Variants in LRRC4C observed in about 807,000 individuals in gnomAD.
LRRC4C encodes leucine-rich repeat-containing protein 4C.
In LRRC4C, 5 loss-of-function variants were observed where a neutral mutation model predicts 33.6. The ratio of observed to expected loss-of-function variants is 0.15; its 90% CI spans 0.08 to 0.31. The LOEUF (loss-of-function observed/expected upper bound fraction) is 0.31, where lower values mean the gene tolerates loss of function less well. Ranked by LOEUF, LRRC4C falls within the 10% of genes least tolerant of loss-of-function variation. The pLI, the probability that LRRC4C is intolerant of heterozygous loss-of-function variation, is 1.00. For missense variants in LRRC4C, 560 were observed against 796.7 expected (o/e 0.70, Z 3.58); for synonymous variants, 329 against 302.0 (o/e 1.09, Z -0.93).
At chr11:40,574,383 T>C (rs906573180) in intron 3 of LRRC4C, among the ~76,000 whole-genome samples, 3 of 152,140 alleles carry the variant, frequency 2.0e-5, no homozygotes, top group African/African-American at 7.2e-5. Flanking sequence ...TGCCCATGTA[T>C]CCTAAATGTA....
At chr11:40,952,669 A>C (rs1375371510) in intron 1 of LRRC4C, among the ~76,000 whole-genome samples, 1 of 151,980 alleles carries the variant, frequency 6.6e-6, no homozygotes, top group Admixed American at 6.6e-5. Context: ...AAGACGCTCC[A>C]GGAGAGACAT....
chr11:40,581,058 C>T (rs938531212), intron 3 of LRRC4C, among the ~76,000 whole-genome samples: 1 of 151,928 alleles, frequency 6.6e-6, no homozygotes, highest in African/African-American at 2.4e-5. Flanking sequence ...ATTTATCAAG[C>T]CTGGTCTTCT....
At chr11:40,862,940 T>C (rs1204973371) in intron 2 of LRRC4C, among the ~76,000 whole-genome samples, 4 of 152,204 alleles carry the variant, frequency 2.6e-5, no homozygotes, top group African/African-American at 4.8e-5. Flanking sequence ...GTGGAACAAA[T>C]GATTTCTTCT....
chr11:40,311,179 C>A (rs1396446774), intron 4 of LRRC4C, among the ~76,000 whole-genome samples: 1 of 152,160 alleles, frequency 6.6e-6, no homozygotes, highest in Non-Finnish European at 1.5e-5. Flanking sequence ...TGTTAATATC[C>A]TCAGTGTGAT....
chr11:41,380,383 G>T (rs903363797), intron 1 of LRRC4C, among the ~76,000 whole-genome samples: 2 of 151,914 alleles, frequency 1.3e-5, no homozygotes, highest in Non-Finnish European at 2.9e-5. Context: ...GTCTCATTTT[G>T]TATTCTTGTG....
chr11:40,834,907 GACAGACACAC>G (rs1319893731), intron 2 of LRRC4C, among the ~76,000 whole-genome samples: 61 of 45,294 alleles, frequency 1.3e-3, no homozygotes, highest in African/African-American at 2.7e-3. Context: ...CAGACAGACA[GACAGACACAC>G]ACACACACAC....
chr11:40,722,879 G>T (rs1042177233), intron 2 of LRRC4C, among the ~76,000 whole-genome samples: 2 of 152,052 alleles, frequency 1.3e-5, no homozygotes, highest in Non-Finnish European at 2.9e-5. Flanking sequence ...AAATTTAAAA[G>T]ATGGCATAGC....
At chr11:40,843,131 C>G (rs1039582000) in intron 2 of LRRC4C, among the ~76,000 whole-genome samples, 2 of 152,084 alleles carry the variant, frequency 1.3e-5, no homozygotes, top group African/African-American at 4.8e-5. Context: ...TGCCTGGTGA[C>G]GAACTGACCC....
At chr11:40,154,532 CA>C (rs1256793402) in intron 5 of LRRC4C, among the ~76,000 whole-genome samples, 1 of 151,952 alleles carries the variant, frequency 6.6e-6, no homozygotes, top group East Asian at 1.9e-4. Flanking sequence ...AAATGAACAC[CA>C]AAAGTGAGCC....
At chr11:40,989,701 C>G (rs374217361) in intron 1 of LRRC4C, among the ~76,000 whole-genome samples, 7 of 151,908 alleles carry the variant, frequency 4.6e-5, no homozygotes, top group South Asian at 4.2e-4. Context: ...TCTCCTCCCC[C>G]CAAAATATCT....
intron 2 of LRRC4C, among the ~76,000 whole-genome samples, chr11:40,918,766 T>C (rs953054194): frequency 6.6e-6 from 1 of 152,156 alleles, no homozygotes; most frequent in African/African-American, 2.4e-5. Flanking sequence ...GCCTATAGCA[T>C]GGGTCTCATT....
intron 4 of LRRC4C, chr11:40,293,912 A>C (rs896278479): frequency 6.6e-6 from 1 of 151,818 alleles, no homozygotes; most frequent in African/African-American, 2.4e-5. Flanking sequence ...CCTTCCATCC[A>C]CTTCGGTTTG....
chr11:40,267,274 G>A (rs1042126877), intron 4 of LRRC4C, among the ~76,000 whole-genome samples: 12 of 152,126 alleles, frequency 7.9e-5, no homozygotes, highest in Admixed American at 1.3e-4. Flanking sequence ...CTGAATTACT[G>A]TATGATATTA....
intron 3 of LRRC4C, among the ~76,000 whole-genome samples, chr11:40,468,986 A>G (rs1208761278): frequency 6.6e-6 from 1 of 152,240 alleles, no homozygotes; most frequent in Non-Finnish European, 1.5e-5. Context: ...AAAAATCTGC[A>G]AAATAAAAAT....
intron 1 of LRRC4C, among the ~76,000 whole-genome samples, chr11:41,294,818 C>G (rs966008483): frequency 6.6e-6 from 1 of 152,110 alleles, no homozygotes; most frequent in Non-Finnish European, 1.5e-5. Flanking sequence ...ATAATGCACA[C>G]TGTCTATAAA....
intron 3 of LRRC4C, among the ~76,000 whole-genome samples, chr11:40,522,085 C>T (rs1955839825): frequency 6.6e-6 from 1 of 152,102 alleles, no homozygotes; most frequent in Non-Finnish European, 1.5e-5. Context: ...TGCGATGGCA[C>T]AATCTCGGCC....
chr11:40,115,308 G>A lies in LRRC4C; in HGVS notation c.985C>T (p.Arg329Trp), dbSNP rs776146097. ...TTTAGATTGGGAGGAGTGTTACACC[G>A]GGCACAACAAGCTGTGTTCGAGGGG... ...MAPSNTACCA[R>W]CNTPPNLKGR... The change falls in exon 7 of 7, where the codon CGG becomes TGG. Residue 329 changes from arginine to tryptophan, a missense_variant. This residue lies in a region of LRRC4C where 455 missense variants were observed against 643.8 expected (regional missense o/e 0.71). Transcript: ENST00000528697. This position sits in a 1 kb window ranked among gnomAD's most constrained non-coding sequence, Gnocchi z 6.7. The A allele has an allele frequency of 1.2e-6, 2 of 1,614,116 alleles. No individual in the cohort carries two copies. Among genetic ancestry groups the A allele is most frequent in the Non-Finnish European group, 1.7e-6 (2 of 1,180,022 alleles).
chr11:40,898,608 G>A (rs536676328), intron 2 of LRRC4C, among the ~76,000 whole-genome samples: 2 of 151,974 alleles, frequency 1.3e-5, no homozygotes, highest in African/African-American at 4.8e-5. Context: ...ATCCAAACTA[G>A]AAACTATAGA....
chr11:41,024,056 T>C (rs765933886), intron 1 of LRRC4C, among the ~76,000 whole-genome samples: 1 of 151,544 alleles, frequency 6.6e-6, no homozygotes, highest in African/African-American at 2.4e-5. Flanking sequence ...AATAATTCAG[T>C]ATTTTGCTTG....
Sources: gnomAD v4.1 joint callset for allele counts (sites outside exome capture counted in the v4.1 genomes callset) on GRCh38, gnomAD v4.1.1 for gene constraint, gnomAD v4.1.1 regional missense constraint, Gnocchi (gnomAD v3.1) non-coding constraint, MANE v1.5 for transcripts, NCBI Gene and HGNC (gene_info 2026-07-23, HGNC 2026-07-21) for gene names.